The following TMC3 variants were observed in gnomAD, a reference collection of about 807,000 sequenced individuals.
TMC3 encodes the protein transmembrane channel-like protein 3.
A neutral mutation model predicts 110.6 loss-of-function variants in TMC3; 98 were observed. That is an observed-to-expected ratio of 0.89 (90% CI 0.75 to 1.05). The LOEUF is 1.05. Among genes scored for constraint, TMC3 ranks in the 50% least tolerant of loss-of-function variants. The probability of loss-of-function intolerance (pLI) is 0.00; values close to 1 mark genes in which losing one functional copy is unlikely to be tolerated. For synonymous variants in TMC3, 489 were observed against 513.1 expected (o/e 0.95, Z 0.63); for missense variants, 1,319 against 1,373.2 (o/e 0.96, Z 0.62).
chr15:81,352,501 G>A (rs762154894), intron 9 of TMC3, among the ~76,000 whole-genome samples: 20 of 152,196 alleles, frequency 1.3e-4, no homozygotes, highest in Non-Finnish European at 1.9e-4. Flanking sequence ...ATACAATTAT[G>A]TACAGTACAT....
rs760398545 is a variant in TMC3, at chr15:81,358,229, T to A, written c.663A>T (p.Arg221Ser). Residue 221 changes from arginine (R) to serine (S), a missense_variant, in exon 7 of 22, where the codon AGA (arginine) becomes AGT (serine). Transcript: ENST00000359440. The stretch of plus-strand genomic sequence containing the variant: ...ACGCCAAGGGCAGCCGGTAGCCAGC[T>A]CTCCCGATCTTCCTCTCCCTGCCGT... ...GYYGRERKIG[R>S]AGYRLPLAYF... 4 of 1,613,306 alleles carry A rather than the reference T, an allele frequency of 2.5e-6. No individual in the cohort carries two copies. In the African/African-American group the frequency reaches 5.3e-5, roughly 22 times the overall value.
At chr15:81,343,479 G>A in intron 14 of TMC3, 134 bp from the exon 15 acceptor site, 2 of 646,848 alleles carry the variant, frequency 3.1e-6, no homozygotes, top group Non-Finnish European at 5.6e-6. Flanking sequence ...GGCCATCCCA[G>A]CAAATGGTAA....
intron 10 of TMC3, among the ~76,000 whole-genome samples, chr15:81,349,956 C>T (rs147283919): frequency 1.5e-5 from 2 of 129,394 alleles, no homozygotes; most frequent in African/African-American, 7.0e-5. Flanking sequence ...GACCCCATCT[C>T]TACAAAAAAA....
At chr15:81,358,042 A>G in intron 7 of TMC3, 107 bp downstream of exon 7, 2 of 1,315,810 alleles carry the variant, frequency 1.5e-6, no homozygotes, top group Non-Finnish European at 2.0e-6. Flanking sequence ...ATTTTGAGAA[A>G]TCAAGCAGTC....
intron 8 of TMC3, among the ~76,000 whole-genome samples, chr15:81,356,195 T>C (rs1894056622): frequency 6.6e-6 from 1 of 152,220 alleles, no homozygotes. Context: ...TTATCTAAAA[T>C]ATACAAACTG....
At chr15:81,359,697 A>G (rs1894146893) in intron 4 of TMC3, among the ~76,000 whole-genome samples, 2 of 152,204 alleles carry the variant, frequency 1.3e-5, no homozygotes. Context: ...GTTTGCCTAA[A>G]ATGCTATTTG....
rs751260021 is a variant in TMC3 at position 81,346,344 on chromosome 15, CTAT to C, written c.1272+18_1272+20del. 3.1e-6 allele frequency: 5 copies of C among 1,611,378 alleles called. No individual in the cohort carries two copies. In the African/African-American group the frequency reaches 5.3e-5, roughly 17 times the overall value. The stretch of plus-strand genomic sequence containing the variant: ...GAGAGGGCAGAGGTGGGGCAGGCAA[CTAT>C]CTGGGATGGGCACTCACCTCAATGC... On this transcript the variant is annotated intron_variant, in intron 12 of 21. Transcript: ENST00000359440.
intron 15 of TMC3, 22 bp from the exon 16 acceptor site, chr15:81,341,540 G>C (rs1893716315): frequency 1.2e-6 from 2 of 1,602,394 alleles, no homozygotes; most frequent in South Asian, 1.1e-5. Context: ...AGGAAGGTCA[G>C]TTTGCATCTG....
chr15:81,356,363 G>C, intron 8 of TMC3, 84 bp downstream of exon 8: 1 of 1,451,506 alleles, frequency 6.9e-7, no homozygotes, highest in Middle Eastern at 2.5e-4. Flanking sequence ...GAAGAGGATG[G>C]TTCTGGCTTC....
rs1893954269 is a variant in TMC3 at position 81,351,716 on chromosome 15, A to G, written c.1061T>C (p.Leu354Pro). 1.9e-6 allele frequency: 3 copies of G among 1,558,528 alleles called. No homozygotes were observed. Among genetic ancestry groups the G allele is most frequent in the Non-Finnish European group, 2.6e-6 (3 of 1,151,108 alleles). Residue 354 changes from leucine to proline, a missense_variant, in exon 10 of 22, where the codon CTG becomes CCG. Coordinates refer to ENST00000359440, the MANE Select transcript of TMC3 (RefSeq NM_001080532.3). ...SQKLEQSKKELTLWEKNEVSV... is the reference protein window; with the variant it reads ...SQKLEQSKKEPTLWEKNEVSV... ...TACCTCATTCTTTTCCCAAAGTGTC[A>G]GCTCCTTCTTCGACTGCTCCAGCTT...
chr15:81,338,826 G>A (rs1893652626), intron 17 of TMC3, 46 bp from the exon 18 acceptor site: 1 of 1,604,388 alleles, frequency 6.2e-7, no homozygotes, highest in Non-Finnish European at 8.5e-7. Flanking sequence ...GCTCTTGGCA[G>A]AAAGATGCTG....
chr15:81,370,494 A>G (rs1894410657), intron 2 of TMC3, among the ~76,000 whole-genome samples: 1 of 152,164 alleles, frequency 6.6e-6, no homozygotes, highest in African/African-American at 2.4e-5. Flanking sequence ...TGGATGTGTT[A>G]CATGGGCCAA....
chr15:81,345,453 C>T (rs1181606205), intron 12 of TMC3, among the ~76,000 whole-genome samples: 1 of 152,134 alleles, frequency 6.6e-6, no homozygotes, highest in Admixed American at 6.5e-5. Context: ...CCTCGTCTGC[C>T]TATAGGCCTT....
rs1268988792 is a variant in TMC3 at position 81,374,065 on chromosome 15, T to G, written c.13A>C (p.Lys5Gln). The G allele has an allele frequency of 6.2e-7, 1 of 1,613,568 alleles. No individual in the cohort carries two copies. Among genetic ancestry groups the G allele is most frequent in the African/African-American group, 1.3e-5 (1 of 74,874 alleles). The change falls in exon 1 of 22, where the codon AAG (lysine) becomes CAG (glutamine). Residue 5 changes from lysine (K) to glutamine (Q), a missense_variant. By Grantham distance (53) the Lys-to-Gln change is moderately conservative. Transcript: ENST00000359440. Reference protein sequence around the residue: MKTSKASQRYRGIRR... With the variant: MKTSQASQRYRGIRR... The stretch of plus-strand genomic sequence containing the variant: ...ATGCCTCTATAGCGCTGGGATGCCT[T>G]CGAGGTTTTCATGGGAGCTAACCCA...
intron 16 of TMC3, 33 bp from the exon 17 acceptor site, chr15:81,339,537 C>T (rs1468909015): frequency 4.6e-6 from 7 of 1,514,750 alleles, no homozygotes; most frequent in African/African-American, 4.1e-5. Flanking sequence ...GTGTTAAGTT[C>T]ACTCCATAGC....
rs1209577528 is a variant in TMC3 at position 81,332,498 on chromosome 15, C to T, written c.3224G>A (p.Gly1075Asp). Residue 1075 changes from glycine (G) to aspartate (D), a missense_variant, in exon 22 of 22, where the codon GGC becomes GAC. By Grantham distance (94) the Gly-to-Asp change is moderately conservative. Transcript: ENST00000359440. ...CTTGGCCTTCCTCCTGCTGGGCTGG[C>T]CCACGGACCTCGGGAACCTGCCCTG... is the stretch of plus-strand genomic sequence containing the variant. Reference protein sequence around the residue: ...HSQGRFPRSVGQPSRRKAKSG... With the variant: ...HSQGRFPRSVDQPSRRKAKSG... 4.3e-6 allele frequency: 7 copies of T among 1,613,220 alleles called. No individual in the cohort carries two copies. The highest frequency in any genetic ancestry group is 5.1e-6 in the Non-Finnish European group (6 of 1,179,664).
Position 81,341,402 on chromosome 15 carries a change from A to C in TMC3, c.1832T>G (p.Phe611Cys). The C allele has an allele frequency of 6.2e-7, 1 of 1,611,178 alleles. No homozygotes were observed. The highest frequency in any genetic ancestry group is 8.5e-7 in the Non-Finnish European group (1 of 1,178,522). ...TATTCTTACTCACCTTGAGGCTCGAAATACTTGCTGGTGGGGCACATTGCA... is the reference window on the plus strand; with the variant it reads ...TATTCTTACTCACCTTGAGGCTCGACATACTTGCTGGTGGGGCACATTGCA... ...LTCNVPHQQV[F>C]RASRSNNFYL... is the part of the protein sequence containing the mutation. Residue 611 changes from phenylalanine to cysteine, a missense_variant, in exon 16 of 22, where the codon TTT (phenylalanine) becomes TGT (cysteine). Coordinates refer to ENST00000359440, the MANE Select transcript of TMC3 (RefSeq NM_001080532.3).
In TMC3 at chr15:81,333,091, TGCCA is replaced by T. The variant is rs763692445; in HGVS notation, c.2627_2630del (p.Leu876HisfsTer25). ...TGGGGGCGTGGGGCCTGGGACCCTG[TGCCA>T]GCAAAGTCGAGGCCTGTGGTCCACG... On this transcript the variant is annotated frameshift_variant, in exon 22 of 22. Transcript: ENST00000359440. LOFTEE classifies it low-confidence loss of function (END_TRUNC). The T allele has an allele frequency of 6.2e-7, 1 of 1,614,034 alleles. No individual in the cohort carries two copies. The highest frequency in any genetic ancestry group is 1.1e-5 in the South Asian group (1 of 91,090).
At chr15:81,333,397 T>C in intron 21 of TMC3, 135 bp from the exon 22 acceptor site, 2 of 1,220,812 alleles carry the variant, frequency 1.6e-6, no homozygotes, top group Non-Finnish European at 2.2e-6. Context: ...GTATGGATTG[T>C]GTGCACAGAG....
Sources: gnomAD v4.1 joint callset for allele counts (sites outside exome capture counted in the v4.1 genomes callset) on GRCh38, gnomAD v4.1.1 for gene constraint, MANE v1.5 for transcripts, NCBI Gene and HGNC (gene_info 2026-07-23, HGNC 2026-07-21) for gene names.